EGFR: variants seen among roughly 807,000 people sequenced by gnomAD.
The protein encoded by EGFR is epidermal growth factor receptor, also known as avian erythroblastic leukemia viral (v-erb-b) oncogene homolog.
Under a neutral mutation model 143.0 loss-of-function variants are expected in EGFR, and 58 were observed. The observed-to-expected ratio is 0.41, with a 90% CI of 0.33 to 0.50. EGFR has a LOEUF of 0.50. EGFR is among the 20% of genes least tolerant of loss of function. The probability of loss-of-function intolerance (pLI) is 0.39; values close to 1 mark genes in which losing one functional copy is unlikely to be tolerated. For missense variants in EGFR, 1,307 were observed against 1,579.0 expected, an observed-to-expected ratio of 0.83 and a Z score of 2.92; for synonymous variants, 613 against 594.4, an observed-to-expected ratio of 1.03 and a Z score of -0.45.
chr7:55,191,905 T>C, intron 21 of EGFR, 31 bp downstream of exon 21: 1 of 1,611,762 alleles, frequency 6.2e-7, no homozygotes, highest in Non-Finnish European at 8.5e-7. Context: ...CAGCCAGCAT[T>C]TTCCTGACAC....
chr7:55,200,341 C>T lies in EGFR; in HGVS notation c.2874C>T (p.Arg958=), dbSNP rs1425520952. The T allele has an allele frequency of 1.2e-6, 2 of 1,614,140 alleles. No homozygotes were observed. The highest frequency in any genetic ancestry group is 2.2e-5 in the East Asian group (1 of 44,880). Residue 958 remains arginine, a synonymous_variant, in exon 24 of 28, where the codon CGC becomes CGT. Coordinates refer to ENST00000275493, the MANE Select transcript of EGFR (RefSeq NM_005228.5). ...VKCWMIDADS[R]PKFRELIIEF... ...GCTGGATGATAGACGCAGATAGTCGCCCAAAGTTCCGTGAGTTGATCATCG... is the reference window on the plus strand; with the variant it reads ...GCTGGATGATAGACGCAGATAGTCGTCCAAAGTTCCGTGAGTTGATCATCG...
intron 1 of EGFR, among the ~76,000 whole-genome samples, chr7:55,035,089 A>T (rs1384719464): frequency 6.6e-6 from 1 of 152,202 alleles, no homozygotes; most frequent in Admixed American, 6.5e-5. Context: ...CTTCGAGCTT[A>T]ACACATAAGA....
intron 20 of EGFR, among the ~76,000 whole-genome samples, chr7:55,186,838 G>C (rs540280258): frequency 6.6e-6 from 1 of 152,224 alleles, no homozygotes; most frequent in Non-Finnish European, 1.5e-5. Flanking sequence ...CGCAGCTATA[G>C]TGAGGCCACC....
At position 55,210,334 on chromosome 7, in the gene EGFR, A is replaced by T. The variant is rs1023497522; in HGVS notation, c.*4717A>T. ...AGCACACTTTGGTTAGTTCACCAAC[A>T]GTCTTACCAAGCCTGGGCCCAGCCA... is the stretch of plus-strand genomic sequence containing the variant. On this transcript the variant is annotated 3_prime_UTR_variant, in exon 28 of 28. Coordinates refer to ENST00000275493, the MANE Select transcript of EGFR (RefSeq NM_005228.5). The T allele has an allele frequency of 6.6e-6, 1 of 152,252 alleles. No homozygotes were observed. Among genetic ancestry groups the T allele is most frequent in the Non-Finnish European group, 1.5e-5 (1 of 68,058 alleles). The allele number at this position is 152,252 out of a possible 1,614,324, so 9.4% of individuals were successfully genotyped here. A position where few individuals can be genotyped will look rare whatever the true frequency, so the allele number is the denominator to read the frequency against.
chr7:55,126,995 C>T (rs1019314189), intron 1 of EGFR, among the ~76,000 whole-genome samples: 1 of 152,088 alleles, frequency 6.6e-6, no homozygotes, highest in Non-Finnish European at 1.5e-5. Flanking sequence ...GACTTGGGGG[C>T]AGTGCAAGTG....
rs552748223 is a variant in EGFR, at chr7:55,199,274, C to T, written c.2848+411C>T. The stretch of plus-strand genomic sequence containing the variant: ...TCAACATTTCTGCTTTGACTTAAAC[C>T]TTTTAAACCAGTGGATTTATGTGAA... On this transcript the variant is annotated intron_variant, in intron 23 of 27. Coordinates refer to ENST00000275493, the MANE Select transcript of EGFR (RefSeq NM_005228.5). Among the ~76,000 whole-genome samples, 10 of 152,308 alleles carry T rather than the reference C, an allele frequency of 6.6e-5. No individual in the cohort carries two copies. In the South Asian group the frequency reaches 2.1e-3, roughly 32 times the overall value.
chr7:55,180,577 G>T (rs533149400), intron 19 of EGFR: 29 of 153,214 alleles, frequency 1.9e-4, no homozygotes, highest in African/African-American at 6.7e-4. Context: ...AATGGGTCCC[G>T]GGCAGCCAGG....
intron 8 of EGFR, 22 bp downstream of exon 8, chr7:55,155,968 G>A (rs752451167): frequency 1.2e-5 from 19 of 1,578,982 alleles, no homozygotes; most frequent in Non-Finnish European, 1.7e-5. Flanking sequence ...GCCGGTGTGC[G>A]GACGAGGCTT....
At chr7:55,143,160 A>C (rs1331306324) in intron 2 of EGFR, 145 bp from the exon 3 acceptor site, 3 of 770,408 alleles carry the variant, frequency 3.9e-6, no homozygotes, top group Non-Finnish European at 6.6e-6. Context: ...CCATGACTGC[A>C]ATCGTCTACC....
chr7:55,190,780 CAAT>C (rs1787359431), intron 20 of EGFR, among the ~76,000 whole-genome samples: 1 of 152,192 alleles, frequency 6.6e-6, no homozygotes, highest in Admixed American at 6.5e-5. Context: ...GTGGTAGAAA[CAAT>C]AATAAGAAGT....
At chr7:55,155,093 ATCAT>A in intron 7 of EGFR, among the ~76,000 whole-genome samples, 1 of 152,258 alleles carries the variant, frequency 6.6e-6, no homozygotes, top group African/African-American at 2.4e-5. Flanking sequence ...TCACAGAAGA[ATCAT>A]CAATGTCCTA....
intron 1 of EGFR, among the ~76,000 whole-genome samples, chr7:55,101,895 T>C (rs1791852997): frequency 6.6e-6 from 1 of 152,206 alleles, no homozygotes; most frequent in Non-Finnish European, 1.5e-5. Flanking sequence ...ACTTAATTTC[T>C]TCCCATCCCT....
chr7:55,028,892 G>A (rs1186758550), intron 1 of EGFR, among the ~76,000 whole-genome samples: 1 of 152,172 alleles, frequency 6.6e-6, no homozygotes, highest in African/African-American at 2.4e-5. Context: ...GGGCTCAGTG[G>A]CTCATGCCTG....
At chr7:55,109,915 G>A (rs77018704) in intron 1 of EGFR, 1,543 of 985,484 alleles carry the variant, frequency 1.6e-3, no homozygotes, top group Non-Finnish European at 1.8e-3. Flanking sequence ...GGTTCCCTCC[G>A]GCAGGCGACC....
At chr7:55,204,465 CAAAT>C (rs1562809529) in intron 27 of EGFR, among the ~76,000 whole-genome samples, 1 of 150,088 alleles carries the variant, frequency 6.7e-6, no homozygotes, top group Admixed American at 6.6e-5. Context: ...ACAACACACA[CAAAT>C]ACACACACCA....
rs755147377 is a variant in EGFR, at chr7:55,160,211, T to C, written c.1371T>C (p.Ser457=). The C allele has an allele frequency of 9.3e-6, 15 of 1,614,060 alleles. No individual in the cohort carries two copies. In the East Asian group the frequency reaches 3.1e-4, roughly 34 times the overall value. Residue 457 remains serine, a synonymous_variant, in exon 12 of 28, where the codon AGT becomes AGC. Coordinates refer to ENST00000275493, the MANE Select transcript of EGFR (RefSeq NM_005228.5). The stretch of plus-strand genomic sequence containing the variant: ...GATTACGCTCCCTCAAGGAGATAAG[T>C]GATGGAGATGTGATAATTTCAGGAA... ...SLGLRSLKEI[S]DGDVIISGNK... is the part of the protein sequence containing the mutation.
chr7:55,174,393 G>C (rs535035738), intron 18 of EGFR, among the ~76,000 whole-genome samples: 1 of 152,250 alleles, frequency 6.6e-6, no homozygotes, highest in Non-Finnish European at 1.5e-5. Flanking sequence ...GCTTCTTCTA[G>C]ATCCTCTTTG....
chr7:55,100,796 C>CTGTT (rs1239606196), intron 1 of EGFR, among the ~76,000 whole-genome samples: 1 of 152,238 alleles, frequency 6.6e-6, no homozygotes, highest in Non-Finnish European at 1.5e-5. Flanking sequence ...TCACACATCA[C>CTGTT]TGTTAGTCTT....
At chr7:55,117,678 G>A (rs1029974941) in intron 1 of EGFR, among the ~76,000 whole-genome samples, 3 of 152,266 alleles carry the variant, frequency 2.0e-5, no homozygotes, top group Non-Finnish European at 1.5e-5. Context: ...TCCCTTCTGC[G>A]CCATAGACCC....
Sources: allele counts gnomAD v4.1 joint callset (sites outside exome capture counted in the v4.1 genomes callset), GRCh38; gene constraint gnomAD v4.1.1; transcripts MANE v1.5; gene names NCBI Gene and HGNC (gene_info 2026-07-23, HGNC 2026-07-21).